Variants in MORN5 observed in about 807,000 individuals in gnomAD.
The protein encoded by MORN5 is MORN repeat-containing protein 5.
MORN5 carries 21 observed loss-of-function variants against 22.1 expected under a neutral mutation model. The ratio of observed to expected loss-of-function variants is 0.95; its 90% confidence interval spans 0.67 to 1.37. The LOEUF (loss-of-function observed/expected upper bound fraction) is 1.37. Among genes scored for constraint, MORN5 ranks in the 40% most tolerant of loss-of-function variants. The pLI is 0.00. For synonymous variants in MORN5, 73 were observed against 74.0 expected (o/e 0.99, Z 0.07); for missense variants, 211 against 215.1 (o/e 0.98, Z 0.12).
rs1734717386 is a variant in MORN5 at position 122,200,059 on chromosome 9, C to T, written c.*128C>T. The T allele has an allele frequency of 1.1e-6, 1 of 883,296 alleles. No homozygotes were observed. Among genetic ancestry groups the T allele is most frequent in the Admixed American group, 2.2e-5 (1 of 46,420 alleles). The allele number at this position is 883,296 out of a possible 1,614,324, so 54.7% of individuals were successfully genotyped here. ...GTAGTTCTAGAACCTGATTTTAACTCAGGAATAAAGACTTTCTGCGGTCAG... is the reference window on the plus strand; with the variant it reads ...GTAGTTCTAGAACCTGATTTTAACTTAGGAATAAAGACTTTCTGCGGTCAG... On this transcript the variant is annotated 3_prime_UTR_variant, in exon 5 of 5. Transcript: ENST00000373764.
intron 4 of MORN5, chr9:122,175,792 C>A (rs1829441507): frequency 1.3e-6 from 1 of 794,862 alleles, no homozygotes; most frequent in African/African-American, 1.9e-5. Context: ...TCAGTGATGA[C>A]CAGAAAGGTG....
At chr9:122,198,829 G>A (rs183603318) in intron 4 of MORN5, among the ~76,000 whole-genome samples, 6 of 152,342 alleles carry the variant, frequency 3.9e-5, no homozygotes, top group Admixed American at 3.3e-4. Context: ...AGAGCTGGAT[G>A]TACACACAGC....
rs1309504695 is a variant in MORN5 at position 122,166,905 on chromosome 9, T to G, written c.185T>G (p.Leu62Trp). 1 of 1,613,526 alleles carries G rather than the reference T, an allele frequency of 6.2e-7. No individual in the cohort carries two copies. The highest frequency in any genetic ancestry group is 8.5e-7 in the Non-Finnish European group (1 of 1,179,734). The change falls in exon 2 of 5, where the codon TTG (leucine) becomes TGG (tryptophan). Residue 62 changes from leucine to tryptophan, a missense_variant. Transcript: ENST00000373764. ...TACGACGCCATTTGGGAAAACGGAT[T>G]GGCCATAAAGGTGATCAGCTGGGGG... ...SQYDAIWENG[L>W]AIKGTYTFSD...
Position 122,195,885 on chromosome 9 carries a change from C to T in MORN5, c.440-4000C>T, listed in dbSNP as rs112152218. Among the ~76,000 whole-genome samples, 133 of 152,194 alleles carry T rather than the reference C, an allele frequency of 8.7e-4. 1 individual carries two copies. The highest frequency in any genetic ancestry group is 3.0e-3 in the African/African-American group (126 of 41,514). The stretch of plus-strand genomic sequence containing the variant: ...TATTCTGATTTTTATGCATTTTTAC[C>T]AGTATCTTTATGCAAGGTCTTTTTG... On this transcript the variant is annotated intron_variant, in intron 4 of 4. Transcript: ENST00000373764.
In MORN5 at chr9:122,200,077, G is replaced by A; in HGVS notation, c.*146G>A. The A allele has an allele frequency of 1.4e-6, 1 of 716,870 alleles. No homozygotes were observed. Among genetic ancestry groups the A allele is most frequent in the South Asian group, 1.7e-5 (1 of 58,314 alleles). 44.4% of individuals were successfully genotyped at this position (716,870 alleles called of 1,614,324 possible). On this transcript the variant is annotated 3_prime_UTR_variant, in exon 5 of 5. Coordinates refer to ENST00000373764, the MANE Select transcript of MORN5 (RefSeq NM_198469.4). ...TTTAACTCAGGAATAAAGACTTTCT[G>A]CGGTCAGTGGCCCCAGGTGTATTTT...
chr9:122,193,258 A>G (rs1174269171), intron 4 of MORN5, among the ~76,000 whole-genome samples: 1 of 152,244 alleles, frequency 6.6e-6, no homozygotes. Context: ...CTAGAATAAT[A>G]CACTCATATT....
chr9:122,194,250 A>G (rs1262287113), intron 4 of MORN5, among the ~76,000 whole-genome samples: 2 of 152,078 alleles, frequency 1.3e-5, no homozygotes, highest in African/African-American at 4.8e-5. Flanking sequence ...GGGCTTGCCA[A>G]TTCATTCATT....
intron 4 of MORN5, among the ~76,000 whole-genome samples, chr9:122,175,844 G>C (rs548166209): frequency 6.6e-6 from 1 of 152,248 alleles, no homozygotes; most frequent in Admixed American, 6.5e-5. Flanking sequence ...GCCGGGCGCG[G>C]TGGCTCATGC....
intron 3 of MORN5, among the ~76,000 whole-genome samples, chr9:122,173,411 T>C (rs1829394692): frequency 6.6e-6 from 1 of 152,210 alleles, no homozygotes; most frequent in African/African-American, 2.4e-5. Flanking sequence ...AAGTGCTCAG[T>C]AGTCATTAGC....
rs571478163 is a variant in MORN5, at chr9:122,170,106, T to C, written c.307+350T>C. Among the ~76,000 whole-genome samples the C allele has an allele frequency of 8.0e-4, 122 of 152,318 alleles. 1 individual carries two copies. Among genetic ancestry groups the C allele is most frequent in the Middle Eastern group, 3.4e-3 (1 of 294 alleles). On this transcript the variant is annotated intron_variant, in intron 3 of 4. Transcript: ENST00000373764. ...TGAGGTCAGGACTTCCAGACCATCC[T>C]GGCCAACATGGTGAAACCCCGTCTC...
rs1829924580 is a variant in MORN5 at position 122,197,674 on chromosome 9, T to C, written c.440-2211T>C. Reference sequence around the variant, plus strand: ...AATTTTTAACGATCAGGGAGGGGCCTGAGGACTGGTTCAGCACAATACACC... The same window carrying C: ...AATTTTTAACGATCAGGGAGGGGCCCGAGGACTGGTTCAGCACAATACACC... On this transcript the variant is annotated intron_variant, in intron 4 of 4. Coordinates refer to ENST00000373764, the MANE Select transcript of MORN5 (RefSeq NM_198469.4). This position sits in a 1 kb window ranked among gnomAD's most constrained non-coding sequence, Gnocchi z 5.7. Among the ~76,000 whole-genome samples the C allele has an allele frequency of 6.6e-6, 1 of 152,180 alleles. No homozygotes were observed.
intron 1 of MORN5, among the ~76,000 whole-genome samples, chr9:122,161,881 C>G (rs113297139): frequency 0.017 from 2,540 of 152,300 alleles, 32 homozygotes; most frequent in Non-Finnish European, 0.026. Context: ...TTGAGGTTGT[C>G]TGGTACCTCT....
intron 4 of MORN5, among the ~76,000 whole-genome samples, chr9:122,192,354 A>T (rs1167264421): frequency 6.6e-6 from 1 of 152,206 alleles, no homozygotes; most frequent in Non-Finnish European, 1.5e-5. Flanking sequence ...ATCTTTGTAG[A>T]TGAGGAAATG....
chr9:122,161,692 A>G (rs769025953), intron 1 of MORN5, among the ~76,000 whole-genome samples: 2 of 152,230 alleles, frequency 1.3e-5, no homozygotes, highest in Non-Finnish European at 2.9e-5. Flanking sequence ...TTAGGCACAA[A>G]AAGTTGAGAA....
At chr9:122,167,059 T>C (rs1829297151) in intron 2 of MORN5, 144 bp downstream of exon 2, 2 of 532,530 alleles carry the variant, frequency 3.8e-6, no homozygotes, top group Non-Finnish European at 5.9e-6. Context: ...CCCCCCACTT[T>C]TTTTTTTTTT....
At chr9:122,187,050 C>T (rs1304011606) in intron 4 of MORN5, among the ~76,000 whole-genome samples, 3 of 152,206 alleles carry the variant, frequency 2.0e-5, no homozygotes, top group Admixed American at 6.5e-5. Context: ...AAAATGGGGA[C>T]AGAAATAGAC....
intron 3 of MORN5, among the ~76,000 whole-genome samples, chr9:122,173,588 C>T (rs538383485): frequency 6.6e-6 from 1 of 152,318 alleles, no homozygotes; most frequent in East Asian, 1.9e-4. Flanking sequence ...CAAGGAATTA[C>T]AGGAACTATA....
chr9:122,165,669 A>G (rs990667347), intron 1 of MORN5, among the ~76,000 whole-genome samples: 4 of 152,192 alleles, frequency 2.6e-5, no homozygotes, highest in Non-Finnish European at 4.4e-5. Context: ...TTCCTCCTGC[A>G]TAGCACTTAT....
intron 4 of MORN5, among the ~76,000 whole-genome samples, chr9:122,182,959 G>A (rs1190753456): frequency 6.6e-6 from 1 of 152,170 alleles, no homozygotes; most frequent in Non-Finnish European, 1.5e-5. Context: ...CAGCGTCATG[G>A]TTCTGGTTTA....
Sources: gnomAD v4.1 joint callset for allele counts (sites outside exome capture counted in the v4.1 genomes callset) on GRCh38, gnomAD v4.1.1 for gene constraint, Gnocchi (gnomAD v3.1) non-coding constraint, MANE v1.5 for transcripts, NCBI Gene and HGNC (gene_info 2026-07-23, HGNC 2026-07-21) for gene names.